DENR: variants seen among roughly 807,000 people sequenced by gnomAD.
The protein encoded by DENR is density-regulated protein.
In DENR, 6 loss-of-function variants were observed where a neutral mutation model predicts 30.6. That is an observed-to-expected ratio of 0.20 (90% CI 0.11 to 0.39). The LOEUF (loss-of-function observed/expected upper bound fraction) is 0.39. DENR is among the 10% of genes least tolerant of loss of function. DENR has a pLI of 1.00. For synonymous variants in DENR, 78 were observed against 72.1 expected, an observed-to-expected ratio of 1.08 and a Z score of -0.41; for missense variants, 141 against 230.9, an observed-to-expected ratio of 0.61 and a Z score of 2.52.
At chr12:122,757,954 T>A (rs921178181) in intron 2 of DENR, among the ~76,000 whole-genome samples, 2 of 152,242 alleles carry the variant, frequency 1.3e-5, no homozygotes, top group Non-Finnish European at 2.9e-5. Context: ...TGAGGCTTAG[T>A]GACACTGTGT....
chr12:122,766,759 C>T (rs917859858), intron 5 of DENR, among the ~76,000 whole-genome samples: 1 of 152,192 alleles, frequency 6.6e-6, no homozygotes, highest in African/African-American at 2.4e-5. Context: ...TCCCTCCTCT[C>T]CTGCCTGTGG....
At chr12:122,757,737 G>A (rs748680296) in intron 2 of DENR, among the ~76,000 whole-genome samples, 2 of 152,186 alleles carry the variant, frequency 1.3e-5, no homozygotes, top group Non-Finnish European at 2.9e-5. Flanking sequence ...GTCTGGAGAA[G>A]TACGATAAGA....
chr12:122,761,501 G>A (rs1343706400), intron 2 of DENR, among the ~76,000 whole-genome samples: 4 of 152,166 alleles, frequency 2.6e-5, no homozygotes, highest in African/African-American at 9.6e-5. Flanking sequence ...ATAAAAAGTG[G>A]TGGCTGTTTT....
At chr12:122,760,299 A>C (rs892296916) in intron 2 of DENR, among the ~76,000 whole-genome samples, 2 of 152,190 alleles carry the variant, frequency 1.3e-5, no homozygotes, top group African/African-American at 4.8e-5. Flanking sequence ...TAATGTATAT[A>C]AGGCATAGCA....
At chr12:122,753,958 AT>A (rs1288879416) in intron 2 of DENR, 151 bp downstream of exon 2, 1 of 678,606 alleles carries the variant, frequency 1.5e-6, no homozygotes, top group Admixed American at 2.3e-5. Flanking sequence ...GGAGGCATGA[AT>A]TAACAGAGTT....
chr12:122,755,301 C>T (rs371163461), intron 2 of DENR, among the ~76,000 whole-genome samples: 114 of 152,244 alleles, frequency 7.5e-4, no homozygotes, highest in African/African-American at 2.4e-3. Context: ...ACTAAGGGGC[C>T]GGGCGCAGTG....
In DENR at chr12:122,768,867, T is replaced by A. The variant is rs1359356486; in HGVS notation, c.498T>A (p.Ile166=). 6.2e-7 allele frequency: 1 copy of A among 1,612,926 alleles called. No homozygotes were observed. The highest frequency in any genetic ancestry group is 1.1e-5 in the South Asian group (1 of 90,722). The change falls in exon 7 of 8, where the codon ATT becomes ATA. Residue 166 remains isoleucine (I), a synonymous_variant. Transcript: ENST00000280557. ...TAACAGGGGAGGATGAAATTATCAT[T>A]CAGGGAGATTTTACAGATGACATAA... ...ASVTGEDEII[I]QGDFTDDIID...
intron 4 of DENR, among the ~76,000 whole-genome samples, chr12:122,764,371 A>G (rs2135511607): frequency 6.6e-6 from 1 of 152,240 alleles, no homozygotes; most frequent in African/African-American, 2.4e-5. Flanking sequence ...AGGCCGAGGC[A>G]GGCGGATCAC....
At chr12:122,767,684 C>G in intron 6 of DENR, 80 bp downstream of exon 6, 1 of 720,070 alleles carries the variant, frequency 1.4e-6, no homozygotes, top group East Asian at 3.3e-5. Flanking sequence ...GTCTCTCTCT[C>G]TCTCACATAC....
At chr12:122,758,868 T>G (rs1303222637) in intron 2 of DENR, among the ~76,000 whole-genome samples, 1 of 149,896 alleles carries the variant, frequency 6.7e-6, no homozygotes, top group Non-Finnish European at 1.5e-5. Flanking sequence ...TTTTTTTGAG[T>G]TGGAGTCTTG....
Position 122,769,283 on chromosome 12 carries a change from T to C in DENR, c.*205T>C, listed in dbSNP as rs1437056054. 1.6e-5 allele frequency: 13 copies of C among 821,666 alleles called. 1 individual carries two copies. The highest frequency in any genetic ancestry group is 1.5e-4 in the Admixed American group (2 of 13,620). 50.9% of individuals were successfully genotyped at this position (821,666 alleles called of 1,614,324 possible). ...ACATACACATATATGTATACATATA[T>C]ACACATATATGTATACATATATACA... On this transcript the variant is annotated 3_prime_UTR_variant, in exon 8 of 8. Coordinates refer to ENST00000280557, the MANE Select transcript of DENR (RefSeq NM_003677.5).
In DENR at chr12:122,769,159, T is replaced by C; in HGVS notation, c.*81T>C. ...GGAGAGAGGCCTTTTAAAATATATA[T>C]ATATATACACATATATATGTATATA... On this transcript the variant is annotated 3_prime_UTR_variant, in exon 8 of 8. Coordinates refer to ENST00000280557, the MANE Select transcript of DENR (RefSeq NM_003677.5). 7.5e-7 allele frequency: 1 copy of C among 1,324,846 alleles called. No homozygotes were observed. Among genetic ancestry groups the C allele is most frequent in the Non-Finnish European group, 1.0e-6 (1 of 996,782 alleles). The allele number at this position is 1,324,846 out of a possible 1,614,324, so 82.1% of individuals were successfully genotyped here. A position where few individuals can be genotyped will look rare whatever the true frequency, so the allele number is the denominator to read the frequency against.
intron 5 of DENR, 65 bp from the exon 6 acceptor site, chr12:122,767,423 A>G (rs988386790): frequency 2.0e-6 from 2 of 1,021,408 alleles, no homozygotes; most frequent in African/African-American, 3.3e-5. Context: ...GAATTAATAA[A>G]TTTAAAGACA....
rs1478743975 is a variant in DENR, at chr12:122,762,928, A to G, written c.210A>G (p.Val70=). Residue 70 remains valine, a splice_region_variant and synonymous_variant, in exon 4 of 8, where the codon GTA becomes GTG. Transcript: ENST00000280557. ...NFPNEFAKLT[V]ENSPKQEAGI... is the part of the protein sequence containing the mutation. ...CAAATGAATTTGCAAAACTTACTGT[A>G]GGTATGAACATTTTTTTTCTTGCAT... 6.6e-7 allele frequency: 1 copy of G among 1,521,514 alleles called. No individual in the cohort carries two copies. 94.3% of individuals were successfully genotyped at this position (1,521,514 alleles called of 1,614,324 possible). A position where few individuals can be genotyped will look rare whatever the true frequency, so the allele number is the denominator to read the frequency against.
chr12:122,759,400 A>G (rs1320353483), intron 2 of DENR, among the ~76,000 whole-genome samples: 2 of 152,064 alleles, frequency 1.3e-5, no homozygotes, highest in African/African-American at 4.8e-5. Flanking sequence ...AGCTCCCCCA[A>G]TTTTTTTATT....
intron 5 of DENR, among the ~76,000 whole-genome samples, chr12:122,766,950 A>G (rs1878867222): frequency 6.6e-6 from 1 of 152,192 alleles, no homozygotes; most frequent in Non-Finnish European, 1.5e-5. Flanking sequence ...CATATTCATA[A>G]GCATCCTTCA....
intron 4 of DENR, among the ~76,000 whole-genome samples, chr12:122,764,127 C>T (rs1012664429): frequency 2.6e-5 from 4 of 152,116 alleles, no homozygotes; most frequent in African/African-American, 9.7e-5. Context: ...GTGTCTGGAG[C>T]TTATTGAAGG....
At chr12:122,764,770 G>A (rs1250776425) in intron 4 of DENR, among the ~76,000 whole-genome samples, 1 of 152,182 alleles carries the variant, frequency 6.6e-6, no homozygotes, top group Non-Finnish European at 1.5e-5. Flanking sequence ...ACCCAGTGCT[G>A]CCCCACTCAT....
chr12:122,760,061 A>G (rs1030784707), intron 2 of DENR, among the ~76,000 whole-genome samples: 2 of 152,166 alleles, frequency 1.3e-5, no homozygotes, highest in African/African-American at 4.8e-5. Flanking sequence ...GCATGTTAGA[A>G]TGTTAGTAGG....
Sources: allele counts gnomAD v4.1 joint callset (sites outside exome capture counted in the v4.1 genomes callset), GRCh38; gene constraint gnomAD v4.1.1; transcripts MANE v1.5; gene names NCBI Gene and HGNC (gene_info 2026-07-23, HGNC 2026-07-21).